DYNC1I2: variants seen among roughly 807,000 people sequenced by gnomAD.
DYNC1I2 encodes the protein cytoplasmic dynein 1 intermediate chain 2.
In DYNC1I2, 53 loss-of-function variants were observed where a neutral mutation model predicts 88.6. The observed-to-expected ratio is 0.60, with a 90% CI of 0.48 to 0.75. The LOEUF is 0.75. Ranked by LOEUF, DYNC1I2 falls within the 30% of genes least tolerant of loss-of-function variation. The pLI is 0.00. For synonymous variants in DYNC1I2, 198 were observed against 254.6 expected, an observed-to-expected ratio of 0.78 and a Z score of 2.12; for missense variants, 458 against 766.6, an observed-to-expected ratio of 0.60 and a Z score of 4.75.
chr2:171,715,493 C>A, intron 7 of DYNC1I2, 50 bp downstream of exon 7: 1 of 1,135,356 alleles, frequency 8.8e-7, no homozygotes, highest in South Asian at 1.8e-5. Context: ...ATGTTAAATA[C>A]ATAGATTCTT....
intron 17 of DYNC1I2, among the ~76,000 whole-genome samples, chr2:171,747,176 A>T (rs1177724459): frequency 6.9e-6 from 1 of 145,328 alleles, no homozygotes; most frequent in African/African-American, 2.5e-5. Context: ...CCTGGGCAAC[A>T]GAGTGGGACT....
chr2:171,713,783 A>G (rs950682034), intron 6 of DYNC1I2, among the ~76,000 whole-genome samples: 1 of 152,202 alleles, frequency 6.6e-6, no homozygotes, highest in Non-Finnish European at 1.5e-5. Context: ...GATTTGAGGC[A>G]TGTAAGAAAA....
At chr2:171,719,416 C>T (rs1436362887) in intron 7 of DYNC1I2, among the ~76,000 whole-genome samples, 3 of 152,266 alleles carry the variant, frequency 2.0e-5, no homozygotes, top group East Asian at 1.9e-4. Flanking sequence ...AAACACTGTG[C>T]GCTTAACTGT....
At chr2:171,691,901 TGA>T (rs756010654) in intron 2 of DYNC1I2, among the ~76,000 whole-genome samples, 7 of 152,124 alleles carry the variant, frequency 4.6e-5, no homozygotes, top group Non-Finnish European at 1.0e-4. Flanking sequence ...TATTAAACTG[TGA>T]GTCTATTAAT....
At chr2:171,719,226 AT>A (rs1687739449) in intron 7 of DYNC1I2, among the ~76,000 whole-genome samples, 4 of 152,142 alleles carry the variant, frequency 2.6e-5, no homozygotes, top group African/African-American at 7.2e-5. Context: ...CTTTGGAAAT[AT>A]TTATAAAAAT....
chr2:171,725,594 G>GTTTTTTTTTTTTTT, intron 7 of DYNC1I2, 24 bp from the exon 8 acceptor site: 1 of 1,175,316 alleles, frequency 8.5e-7, no homozygotes, highest in South Asian at 1.7e-5. Flanking sequence ...TTGTTTTTTT[G>GTTTTTTTTTTTTTT]TTTGTTTTTT....
intron 7 of DYNC1I2, among the ~76,000 whole-genome samples, chr2:171,717,758 A>G (rs529980974): frequency 6.6e-6 from 1 of 152,188 alleles, no homozygotes; most frequent in African/African-American, 2.4e-5. Context: ...AGAATAACCA[A>G]AACGAAGGCA....
chr2:171,738,147 C>T (rs1309357858), intron 15 of DYNC1I2, among the ~76,000 whole-genome samples: 6 of 152,048 alleles, frequency 3.9e-5, no homozygotes, highest in East Asian at 1.9e-4. Context: ...GCTTGGCCAA[C>T]GTGGTGAAAC....
At chr2:171,709,133 A>G (rs1686913373) in intron 5 of DYNC1I2, among the ~76,000 whole-genome samples, 7 of 152,126 alleles carry the variant, frequency 4.6e-5, no homozygotes. Context: ...ATTTGATATT[A>G]TACATTATTT....
chr2:171,743,945 T>A (rs1317469459), intron 15 of DYNC1I2, 104 bp from the exon 16 acceptor site: 13 of 1,043,862 alleles, frequency 1.2e-5, no homozygotes, highest in Admixed American at 3.6e-5. Flanking sequence ...CATAAAATGT[T>A]ATCATACCTG....
chr2:171,699,278 G>T (rs1396538915), intron 3 of DYNC1I2, among the ~76,000 whole-genome samples: 1 of 152,144 alleles, frequency 6.6e-6, no homozygotes, highest in Non-Finnish European at 1.5e-5. Context: ...TTGCACTCCA[G>T]CCTGGGCAAC....
chr2:171,725,594 G>GTT (rs759936366), intron 7 of DYNC1I2, 24 bp from the exon 8 acceptor site: 34 of 1,175,868 alleles, frequency 2.9e-5, no homozygotes, highest in Middle Eastern at 3.0e-4. Flanking sequence ...TTGTTTTTTT[G>GTT]TTTGTTTTTT....
intron 3 of DYNC1I2, among the ~76,000 whole-genome samples, chr2:171,704,417 T>C (rs1158704670): frequency 6.6e-6 from 1 of 151,824 alleles, no homozygotes; most frequent in Non-Finnish European, 1.5e-5. Context: ...TCTAAGAAGC[T>C]GAAATTCATT....
At chr2:171,708,936 A>T (rs1574543926) in intron 5 of DYNC1I2, among the ~76,000 whole-genome samples, 1 of 151,884 alleles carries the variant, frequency 6.6e-6, no homozygotes, top group Non-Finnish European at 1.5e-5. Context: ...CAAGTGATCC[A>T]CCCACCTTGG....
At chr2:171,747,395 A>G (rs1314193768) in intron 17 of DYNC1I2, among the ~76,000 whole-genome samples, 1 of 151,886 alleles carries the variant, frequency 6.6e-6, no homozygotes, top group African/African-American at 2.4e-5. Flanking sequence ...GAGCCCCCTT[A>G]TGAACCATGC....
At chr2:171,725,454 T>C (rs1026722737) in intron 7 of DYNC1I2, among the ~76,000 whole-genome samples, 164 bp from the exon 8 acceptor site, 11 of 152,142 alleles carry the variant, frequency 7.2e-5, no homozygotes, top group Non-Finnish European at 1.5e-4. Context: ...TCCCTATTAT[T>C]TGTACTTGTT....
intron 15 of DYNC1I2, among the ~76,000 whole-genome samples, chr2:171,732,925 T>C (rs1688723014): frequency 6.6e-6 from 1 of 152,172 alleles, no homozygotes; most frequent in African/African-American, 2.4e-5. Flanking sequence ...GTTATGCAGA[T>C]TATTGTATCA....
intron 15 of DYNC1I2, among the ~76,000 whole-genome samples, chr2:171,737,697 T>C (rs1204143843): frequency 2.0e-5 from 3 of 152,164 alleles, no homozygotes; most frequent in Non-Finnish European, 4.4e-5. Flanking sequence ...TGGGTTATAG[T>C]GTGAGCCACC....
intron 11 of DYNC1I2, among the ~76,000 whole-genome samples, chr2:171,727,479 G>A (rs538221965): frequency 3.3e-5 from 5 of 152,038 alleles, no homozygotes; most frequent in African/African-American, 7.2e-5. Flanking sequence ...TTAAACTAGC[G>A]TGTACTCTAC....
Sources: gnomAD v4.1 joint callset for allele counts (sites outside exome capture counted in the v4.1 genomes callset) on GRCh38, gnomAD v4.1.1 for gene constraint, MANE v1.5 for transcripts, NCBI Gene and HGNC (gene_info 2026-07-23, HGNC 2026-07-21) for gene names.